The following HGF variants were observed in gnomAD, a reference collection of about 807,000 sequenced individuals.
The protein encoded by HGF is hepatocyte growth factor.
Under a neutral mutation model 111.6 loss-of-function variants are expected in HGF, and 39 were observed. That is an observed-to-expected ratio of 0.35 (90% CI 0.27 to 0.46). The LOEUF (loss-of-function observed/expected upper bound fraction) is 0.46. HGF is among the 20% of genes least tolerant of loss of function. HGF has a pLI of 1.00. For missense variants in HGF, 735 were observed against 910.5 expected (o/e 0.81, Z 2.48); for synonymous variants, 285 against 294.8 (o/e 0.97, Z 0.34).
intron 6 of HGF, 47 bp downstream of exon 6, chr7:81,744,953 A>C: frequency 6.3e-7 from 1 of 1,596,516 alleles, no homozygotes; most frequent in Non-Finnish European, 8.6e-7. Context: ...AGAGTGAATA[A>C]TAGTTTGTAA....
At chr7:81,722,411 C>T (rs981212496) in intron 9 of HGF, among the ~76,000 whole-genome samples, 5 of 151,590 alleles carry the variant, frequency 3.3e-5, no homozygotes, top group Non-Finnish European at 7.4e-5. Flanking sequence ...GTGATCCGCC[C>T]GCCTCGGACT....
chr7:81,722,284 C>A (rs1354961340), intron 9 of HGF, among the ~76,000 whole-genome samples: 2 of 151,654 alleles, frequency 1.3e-5, no homozygotes, highest in African/African-American at 4.8e-5. Flanking sequence ...CTGCCTTAGC[C>A]TCCTGTGTAG....
chr7:81,705,436 G>A lies in HGF; in HGVS notation c.1964C>T (p.Ser655Phe), dbSNP rs2115760155. 1 of 1,612,782 alleles carries A rather than the reference G, an allele frequency of 6.2e-7. No individual in the cohort carries two copies. Among genetic ancestry groups the A allele is most frequent in the Non-Finnish European group, 8.5e-7 (1 of 1,179,158 alleles). ...HHRGKVTLNE[S>F]EICAGAEKIG... ...CTTTTCAGCCCCAGCACATATTTCA[G>A]ACTCATTCAGAGTCACCTTCCCTCG... is the stretch of plus-strand genomic sequence containing the variant. Residue 655 changes from serine (S) to phenylalanine (F), a missense_variant, in exon 17 of 18, where the codon TCT (serine) becomes TTT (phenylalanine). Coordinates refer to ENST00000222390, the MANE Select transcript of HGF (RefSeq NM_000601.6).
At chr7:81,744,286 G>T (rs1389972903) in intron 6 of HGF, among the ~76,000 whole-genome samples, 3 of 137,816 alleles carry the variant, frequency 2.2e-5, no homozygotes, top group Non-Finnish European at 4.6e-5. Context: ...TAAAATACAT[G>T]GGCAAAAGTA....
intron 9 of HGF, among the ~76,000 whole-genome samples, chr7:81,723,270 G>A (rs2040965): frequency 0.82 from 124,322 of 152,044 alleles, 50,884 homozygotes; most frequent in Middle Eastern, 0.9. Context: ...AGCAAGAGAA[G>A]AGGACACTTC....
intron 4 of HGF, among the ~76,000 whole-genome samples, chr7:81,754,586 A>G (rs1209833931): frequency 6.6e-6 from 1 of 152,106 alleles, no homozygotes; most frequent in African/African-American, 2.4e-5. Context: ...ATCAAAATGA[A>G]GAGAAAAGAT....
intron 6 of HGF, among the ~76,000 whole-genome samples, chr7:81,744,253 T>G (rs1430814297): frequency 6.6e-6 from 1 of 152,224 alleles, no homozygotes; most frequent in African/African-American, 2.4e-5. Flanking sequence ...TCTTCCTTTT[T>G]TTTCCACCTT....
chr7:81,736,688 A>G (rs1390177079), intron 7 of HGF: 3 of 469,932 alleles, frequency 6.4e-6, no homozygotes, highest in South Asian at 4.6e-5. Context: ...TAAAGAGACT[A>G]TAATGAGAAC....
intron 7 of HGF, among the ~76,000 whole-genome samples, chr7:81,735,162 A>T (rs1158611364): frequency 6.6e-6 from 1 of 152,116 alleles, no homozygotes; most frequent in Non-Finnish European, 1.5e-5. Flanking sequence ...TAAAATTGAC[A>T]TGGGAAAGTA....
chr7:81,748,024 T>C (rs1299317798), intron 5 of HGF, among the ~76,000 whole-genome samples: 1 of 152,130 alleles, frequency 6.6e-6, no homozygotes, highest in Non-Finnish European at 1.5e-5. Flanking sequence ...AAAACAAGTC[T>C]CACAAAAGTT....
chr7:81,729,323 G>A (rs549899812), intron 8 of HGF, among the ~76,000 whole-genome samples: 1 of 152,110 alleles, frequency 6.6e-6, no homozygotes, highest in African/African-American at 2.4e-5. Context: ...GAGCAAAACT[G>A]TGATCAGAAA....
chr7:81,746,282 C>T (rs561521830), intron 5 of HGF, among the ~76,000 whole-genome samples: 4 of 152,276 alleles, frequency 2.6e-5, no homozygotes, highest in East Asian at 1.9e-4. Context: ...GAGGCCAACT[C>T]GGCTTCCCTT....
chr7:81,721,957 C>T (rs1334073186), intron 9 of HGF, among the ~76,000 whole-genome samples: 1 of 152,152 alleles, frequency 6.6e-6, no homozygotes, highest in Non-Finnish European at 1.5e-5. Context: ...GGTTATTTTG[C>T]TATTTCTAAC....
At chr7:81,714,901 C>A (rs1007412390) in intron 11 of HGF, among the ~76,000 whole-genome samples, 6 of 151,898 alleles carry the variant, frequency 4.0e-5, no homozygotes, top group African/African-American at 1.5e-4. Flanking sequence ...CTGTAAAAAT[C>A]TTTATTAAAA....
At chr7:81,705,250 G>C in intron 17 of HGF, 140 bp downstream of exon 17, 1 of 762,312 alleles carries the variant, frequency 1.3e-6, no homozygotes, top group East Asian at 2.6e-5. Context: ...GAATATTACA[G>C]AGTTAATTTT....
chr7:81,747,288 G>A (rs367945987), intron 5 of HGF, among the ~76,000 whole-genome samples: 4 of 152,112 alleles, frequency 2.6e-5, no homozygotes, highest in Non-Finnish European at 5.9e-5. Context: ...GCAGTGAGCC[G>A]AGATGGCACC....
In HGF at chr7:81,743,035, T is replaced by C. The variant is rs1456990515; in HGVS notation, c.865+318A>G. 3 of 1,148,990 alleles carry C rather than the reference T, an allele frequency of 2.6e-6. No homozygotes were observed. The African/African-American group carries it at 4.6e-5, about 18-fold the overall frequency. The allele number at this position is 1,148,990 out of a possible 1,614,324, so 71.2% of individuals were successfully genotyped here. A position where few individuals can be genotyped will look rare whatever the true frequency, so the allele number is the denominator to read the frequency against. On this transcript the variant is annotated intron_variant, in intron 7 of 17. Transcript: ENST00000222390. ...TTTTACTCCCCTAATGACTTTGTGA[T>C]GCTGCACACATTTCCGATCTTTTTC...
At chr7:81,757,325 A>C (rs1215479117) in intron 3 of HGF, 22 bp from the exon 4 acceptor site, 1 of 1,280,304 alleles carries the variant, frequency 7.8e-7, no homozygotes, top group South Asian at 1.2e-5. Flanking sequence ...AGTAGATAAA[A>C]TTATTGCAAC....
chr7:81,762,833 T>G lies in HGF; in HGVS notation c.128A>C (p.Lys43Thr), dbSNP rs763623534. 2 of 1,594,642 alleles carry G rather than the reference T, an allele frequency of 1.3e-6. No individual in the cohort carries two copies. The highest frequency in any genetic ancestry group is 1.7e-6 in the Non-Finnish European group (2 of 1,162,468). Reference sequence around the variant, plus strand: ...GATTAGGGTAGTCTTTGCTGATTTTTTGAATTCATGAATTGTATTTCTTCT... The same window carrying G: ...GATTAGGGTAGTCTTTGCTGATTTTGTGAATTCATGAATTGTATTTCTTCT... ...RKRRNTIHEF[K>T]KSAKTTLIKI... Residue 43 changes from lysine (K) to threonine (T), a missense_variant, in exon 2 of 18, where the codon AAA (lysine) becomes ACA (threonine). Coordinates refer to ENST00000222390, the MANE Select transcript of HGF (RefSeq NM_000601.6).
Sources: allele counts gnomAD v4.1 joint callset (sites outside exome capture counted in the v4.1 genomes callset), GRCh38; gene constraint gnomAD v4.1.1; transcripts MANE v1.5; gene names NCBI Gene and HGNC (gene_info 2026-07-23, HGNC 2026-07-21).